The following ZNF804A variants were observed in gnomAD, a reference collection of about 807,000 sequenced individuals.
The protein encoded by ZNF804A is zinc finger protein 804A.
Under a neutral mutation model 16.5 loss-of-function variants are expected in ZNF804A, and 2 were observed. That is an observed-to-expected ratio of 0.12 (90% CI 0.05 to 0.38). ZNF804A has a LOEUF of 0.38. Ranked by LOEUF, ZNF804A falls within the 10% of genes least tolerant of loss-of-function variation. ZNF804A has a pLI of 0.99. For missense variants in ZNF804A, 1,473 were observed against 1,390.7 expected, an observed-to-expected ratio of 1.06 and a Z score of -0.94; for synonymous variants, 534 against 489.6, an observed-to-expected ratio of 1.09 and a Z score of -1.20.
chr2:184,865,025 G>A (rs1442642302), intron 1 of ZNF804A, among the ~76,000 whole-genome samples: 1 of 151,686 alleles, frequency 6.6e-6, no homozygotes, highest in Admixed American at 6.6e-5. Context: ...GATTACAGGT[G>A]CCTGCCACCA....
At chr2:184,863,428 C>T (rs1695829203) in intron 1 of ZNF804A, among the ~76,000 whole-genome samples, 1 of 151,914 alleles carries the variant, frequency 6.6e-6, no homozygotes, top group South Asian at 2.1e-4. Flanking sequence ...TAAAACTGGG[C>T]TGAAGCTAAT....
At chr2:184,820,217 G>T (rs1695052434) in intron 1 of ZNF804A, among the ~76,000 whole-genome samples, 1 of 151,854 alleles carries the variant, frequency 6.6e-6, no homozygotes, top group South Asian at 2.1e-4. Context: ...AGGTTATCCA[G>T]CACGATCAAG....
intron 1 of ZNF804A, among the ~76,000 whole-genome samples, chr2:184,706,064 C>T (rs1693026244): frequency 6.6e-6 from 1 of 152,152 alleles, no homozygotes; most frequent in Non-Finnish European, 1.5e-5. Context: ...TCCCCCACAC[C>T]CCCATACAGT....
At chr2:184,899,571 G>T (rs894053803) in intron 2 of ZNF804A, among the ~76,000 whole-genome samples, 1 of 151,870 alleles carries the variant, frequency 6.6e-6, no homozygotes, top group Non-Finnish European at 1.5e-5. Context: ...TTTAGAAGAA[G>T]CTATGTTCTA....
chr2:184,888,652 T>A (rs1239589727), intron 2 of ZNF804A, among the ~76,000 whole-genome samples: 1 of 152,144 alleles, frequency 6.6e-6, no homozygotes, highest in African/African-American at 2.4e-5. Flanking sequence ...GAACTACTCC[T>A]CAGTTCTAAA....
intron 1 of ZNF804A, among the ~76,000 whole-genome samples, chr2:184,699,742 C>T (rs1418206480): frequency 1.3e-5 from 2 of 152,048 alleles, no homozygotes; most frequent in Non-Finnish European, 1.5e-5. Context: ...ACTGAAACCT[C>T]AATGTTTAAT....
chr2:184,817,033 A>G (rs1694993773), intron 1 of ZNF804A, among the ~76,000 whole-genome samples: 1 of 152,030 alleles, frequency 6.6e-6, no homozygotes, highest in African/African-American at 2.4e-5. Flanking sequence ...AAAAGAGGGC[A>G]GTATTAACAC....
chr2:184,685,323 C>T (rs761506125), intron 1 of ZNF804A, among the ~76,000 whole-genome samples: 1 of 152,086 alleles, frequency 6.6e-6, no homozygotes, highest in African/African-American at 2.4e-5. Context: ...GAGAGTGTCA[C>T]AGCCGTGGCT....
At chr2:184,706,361 G>A (rs1034416305) in intron 1 of ZNF804A, among the ~76,000 whole-genome samples, 1 of 152,136 alleles carries the variant, frequency 6.6e-6, no homozygotes, top group Non-Finnish European at 1.5e-5. Flanking sequence ...TTCTTCCTCT[G>A]TTAAGTAATT....
intron 1 of ZNF804A, among the ~76,000 whole-genome samples, chr2:184,751,513 C>A (rs563237602): frequency 6.6e-6 from 1 of 151,216 alleles, no homozygotes; most frequent in Non-Finnish European, 1.5e-5. Flanking sequence ...AAAATAGGCA[C>A]GTGACACTAC....
intron 1 of ZNF804A, among the ~76,000 whole-genome samples, chr2:184,694,362 G>A (rs554994857): frequency 6.0e-4 from 91 of 152,056 alleles, no homozygotes; most frequent in African/African-American, 2.1e-3. Flanking sequence ...AATCTTGTTC[G>A]CTTGTCCATG....
chr2:184,818,653 A>G (rs897572728), intron 1 of ZNF804A, among the ~76,000 whole-genome samples: 2 of 152,000 alleles, frequency 1.3e-5, no homozygotes, highest in African/African-American at 2.4e-5. Flanking sequence ...GCTGTCCTCA[A>G]TAGATCCACC....
chr2:184,890,756 C>T (rs1007799105), intron 2 of ZNF804A, among the ~76,000 whole-genome samples: 1 of 151,302 alleles, frequency 6.6e-6, no homozygotes, highest in Non-Finnish European at 1.5e-5. Context: ...AAATTCCCTT[C>T]AGTTTAAAAA....
chr2:184,909,689 T>A (rs572968514), intron 2 of ZNF804A, among the ~76,000 whole-genome samples: 1 of 152,086 alleles, frequency 6.6e-6, no homozygotes, highest in African/African-American at 2.4e-5. Flanking sequence ...ATTTTCTCAA[T>A]CTCAAATGAG....
chr2:184,914,209 C>T (rs1412757303), intron 2 of ZNF804A, among the ~76,000 whole-genome samples: 3 of 152,136 alleles, frequency 2.0e-5, no homozygotes, highest in Non-Finnish European at 2.9e-5. Context: ...TAGAAGGATA[C>T]AGGCCAGCAT....
chr2:184,608,156 G>C (rs761823119), intron 1 of ZNF804A, among the ~76,000 whole-genome samples: 1 of 151,156 alleles, frequency 6.6e-6, no homozygotes, highest in African/African-American at 2.4e-5. Context: ...CGTTTTAGCC[G>C]GGATGGTCTC....
chr2:184,806,766 G>A (rs1024408517), intron 1 of ZNF804A, among the ~76,000 whole-genome samples: 21 of 151,772 alleles, frequency 1.4e-4, no homozygotes, highest in Admixed American at 1.3e-4. Context: ...ACTAAAAACC[G>A]TGCTACAGTC....
At chr2:184,925,786 TAAC>T (rs1177650201) in intron 2 of ZNF804A, among the ~76,000 whole-genome samples, 2 of 151,992 alleles carry the variant, frequency 1.3e-5, no homozygotes, top group Admixed American at 1.3e-4. Context: ...GCTAACAACT[TAAC>T]AGTTTTTACA....
At chr2:184,706,434 G>T (rs1693032559) in intron 1 of ZNF804A, among the ~76,000 whole-genome samples, 1 of 152,210 alleles carries the variant, frequency 6.6e-6, no homozygotes, top group South Asian at 2.1e-4. Context: ...CAGGCTAGGG[G>T]CATTGAAGCC....
Sources: gnomAD v4.1 joint callset for allele counts (sites outside exome capture counted in the v4.1 genomes callset) on GRCh38, gnomAD v4.1.1 for gene constraint, MANE v1.5 for transcripts, NCBI Gene and HGNC (gene_info 2026-07-23, HGNC 2026-07-21) for gene names.